Variants in GALNT13 observed in about 807,000 individuals in gnomAD.
GALNT13 encodes the protein polypeptide N-acetylgalactosaminyltransferase 13, also known as UDP-GalNAc:polypeptide N-acetylgalactosaminyltransferase 13.
GALNT13 carries 28 observed loss-of-function variants against 64.2 expected under a neutral mutation model. The observed-to-expected ratio is 0.44, with a 90% CI of 0.32 to 0.60. The LOEUF (loss-of-function observed/expected upper bound fraction) is 0.60, where lower values mean the gene tolerates loss of function less well. GALNT13 is among the 20% of genes least tolerant of loss of function. The pLI is 0.05. For synonymous variants in GALNT13, 214 were observed against 224.6 expected (o/e 0.95, Z 0.42); for missense variants, 577 against 669.8 (o/e 0.86, Z 1.53).
the GALNT13 span, among the ~76,000 whole-genome samples, chr2:153,760,373 T>C: frequency 6.6e-6 from 1 of 151,982 alleles, no homozygotes; most frequent in Admixed American, 6.6e-5. Context: ...ATTAAGTTAT[T>C]CATTTGAGAT....
At chr2:153,144,063 T>G in the GALNT13 span, among the ~76,000 whole-genome samples, 7 of 151,990 alleles carry the variant, frequency 4.6e-5, no homozygotes, top group African/African-American at 1.7e-4. Flanking sequence ...TCATGGGTCA[T>G]TGGATAATTG....
the GALNT13 span, among the ~76,000 whole-genome samples, chr2:153,448,840 A>T: frequency 6.6e-6 from 1 of 152,198 alleles, no homozygotes; most frequent in African/African-American, 2.4e-5. Context: ...CATATGTTGA[A>T]GCCCTAACCC....
At chr2:153,713,871 T>A in the GALNT13 span, among the ~76,000 whole-genome samples, 1 of 152,164 alleles carries the variant, frequency 6.6e-6, no homozygotes, top group African/African-American at 2.4e-5. Context: ...GTACTGCCAC[T>A]TAGATCTCAA....
At chr2:154,151,350 G>C (rs761990166) in intron 4 of GALNT13, among the ~76,000 whole-genome samples, 13 of 152,034 alleles carry the variant, frequency 8.6e-5, no homozygotes, top group African/African-American at 1.2e-4. Flanking sequence ...TTACTTCCAA[G>C]TATGTGGTCA....
At chr2:153,675,487 T>C in the GALNT13 span, among the ~76,000 whole-genome samples, 1 of 151,980 alleles carries the variant, frequency 6.6e-6, no homozygotes, top group East Asian at 1.9e-4. Flanking sequence ...AAGTGGGAGT[T>C]GAATAACAAG....
chr2:153,581,637 G>A, the GALNT13 span, among the ~76,000 whole-genome samples: 1 of 152,004 alleles, frequency 6.6e-6, no homozygotes, highest in African/African-American at 2.4e-5. Flanking sequence ...GTGTATGGAT[G>A]TTCTTTTGAT....
At chr2:154,008,808 A>G (rs189739367) in intron 3 of GALNT13, among the ~76,000 whole-genome samples, 4 of 152,190 alleles carry the variant, frequency 2.6e-5, no homozygotes, top group African/African-American at 9.6e-5. Context: ...ATATATATGT[A>G]TCTATATACC....
intron 3 of GALNT13, among the ~76,000 whole-genome samples, chr2:153,997,145 A>G (rs1164494139): frequency 6.6e-6 from 1 of 151,842 alleles, no homozygotes; most frequent in African/African-American, 2.4e-5. Flanking sequence ...GATTCCTTTG[A>G]CTATTCTGGG....
intron 4 of GALNT13, among the ~76,000 whole-genome samples, chr2:154,218,977 C>T (rs1688187234): frequency 6.6e-6 from 1 of 151,958 alleles, no homozygotes; most frequent in African/African-American, 2.4e-5. Flanking sequence ...TTGACTCTCC[C>T]ATATCGGTTC....
chr2:153,445,697 A>G, the GALNT13 span, among the ~76,000 whole-genome samples: 1 of 152,138 alleles, frequency 6.6e-6, no homozygotes, highest in Admixed American at 6.6e-5. Context: ...TTTTTAATAT[A>G]CAAATTCATT....
chr2:153,457,500 A>C, the GALNT13 span, among the ~76,000 whole-genome samples: 5 of 152,322 alleles, frequency 3.3e-5, no homozygotes, highest in African/African-American at 1.2e-4. Flanking sequence ...TCCTCTTTTA[A>C]AAATAAAAAT....
intron 9 of GALNT13, among the ~76,000 whole-genome samples, chr2:154,308,496 A>G (rs1329587286): frequency 6.6e-6 from 1 of 152,138 alleles, no homozygotes; most frequent in Non-Finnish European, 1.5e-5. Flanking sequence ...TCTGTAAGTC[A>G]TGAAAATGTT....
At chr2:153,426,088 G>C in the GALNT13 span, among the ~76,000 whole-genome samples, 1 of 151,776 alleles carries the variant, frequency 6.6e-6, no homozygotes, top group Non-Finnish European at 1.5e-5. Flanking sequence ...TTGATAGTGA[G>C]AGTGAAAATA....
At chr2:153,647,497 A>C in the GALNT13 span, among the ~76,000 whole-genome samples, 1 of 151,984 alleles carries the variant, frequency 6.6e-6, no homozygotes, top group Non-Finnish European at 1.5e-5. Context: ...ATTTTGGCTT[A>C]TGTTGCCATT....
chr2:154,228,060 AGATTCATTTGAT>A (rs1471289513), intron 4 of GALNT13, among the ~76,000 whole-genome samples: 1 of 152,218 alleles, frequency 6.6e-6, no homozygotes, highest in East Asian at 1.9e-4. Flanking sequence ...TGCTGGCTGA[AGATTCATTTGAT>A]GAATCCAATT....
chr2:153,326,182 T>A, the GALNT13 span, among the ~76,000 whole-genome samples: 1 of 152,194 alleles, frequency 6.6e-6, no homozygotes, highest in Non-Finnish European at 1.5e-5. Flanking sequence ...GCATATATAT[T>A]TAGGATAGTT....
At chr2:154,000,144 T>A (rs1438267916) in intron 3 of GALNT13, among the ~76,000 whole-genome samples, 1 of 152,026 alleles carries the variant, frequency 6.6e-6, no homozygotes. Flanking sequence ...TAAGTATCTA[T>A]TATAATTATG....
At chr2:153,365,221 C>A in the GALNT13 span, among the ~76,000 whole-genome samples, 1 of 152,106 alleles carries the variant, frequency 6.6e-6, no homozygotes, top group Non-Finnish European at 1.5e-5. Context: ...CCCTTCCTCA[C>A]ACCTTGTACA....
chr2:153,825,608 C>CTGTGTGTGTGTG, the GALNT13 span, among the ~76,000 whole-genome samples: 90 of 134,862 alleles, frequency 6.7e-4, no homozygotes, highest in African/African-American at 1.8e-3. Flanking sequence ...TCCATGAGTG[C>CTGTGTGTGTGTG]TGTGTGTGTG....
Sources: gnomAD v4.1 joint callset for allele counts (sites outside exome capture counted in the v4.1 genomes callset) on GRCh38, gnomAD v4.1.1 for gene constraint, MANE v1.5 for transcripts, NCBI Gene and HGNC (gene_info 2026-07-23, HGNC 2026-07-21) for gene names.